Variants in RSU1 observed in about 807,000 individuals in gnomAD.
The protein encoded by RSU1 is Ras suppressor protein 1.
RSU1 carries 26 observed loss-of-function variants against 31.1 expected under a neutral mutation model. The ratio of observed to expected loss-of-function variants is 0.84; its 90% CI spans 0.61 to 1.16. RSU1 has a LOEUF of 1.16. Among genes scored for constraint, RSU1 ranks in the 50% most tolerant of loss-of-function variants. The pLI is 0.00. For missense variants in RSU1, 320 were observed against 339.1 expected (o/e 0.94, Z 0.44); for synonymous variants, 164 against 136.3 (o/e 1.20, Z -1.41).
intron 7 of RSU1, among the ~76,000 whole-genome samples, chr10:16,729,450 C>G (rs1836459076): frequency 6.6e-6 from 1 of 152,102 alleles, no homozygotes. Context: ...TACCTGGCCA[C>G]TCAGGCTGAA....
chr10:16,796,364 TCTTCA>T (rs1454802148), intron 2 of RSU1, among the ~76,000 whole-genome samples: 35 of 152,292 alleles, frequency 2.3e-4, no homozygotes, highest in African/African-American at 8.4e-4. Context: ...CCTCGCTACG[TCTTCA>T]CTGTGTGTGA....
intron 7 of RSU1, among the ~76,000 whole-genome samples, chr10:16,738,493 C>T (rs1248548655): frequency 6.6e-6 from 1 of 152,020 alleles, no homozygotes; most frequent in Non-Finnish European, 1.5e-5. Context: ...CGTAAGCTTT[C>T]ACCTAAACAA....
chr10:16,678,356 C>T (rs1357735805), intron 8 of RSU1, among the ~76,000 whole-genome samples: 1 of 152,214 alleles, frequency 6.6e-6, no homozygotes, highest in East Asian at 1.9e-4. Context: ...GAAGATTTCA[C>T]AATGCTTCAG....
intron 8 of RSU1, among the ~76,000 whole-genome samples, chr10:16,595,778 C>T (rs1309727405): frequency 1.3e-5 from 2 of 151,950 alleles, no homozygotes; most frequent in African/African-American, 2.4e-5. Context: ...ACCATCCTGG[C>T]CAACATGGTG....
chr10:16,777,300 C>G (rs963364843), intron 3 of RSU1, among the ~76,000 whole-genome samples: 9 of 151,450 alleles, frequency 5.9e-5, no homozygotes, highest in African/African-American at 1.9e-4. Flanking sequence ...ATACAAAATA[C>G]TATGGAAAGC....
intron 8 of RSU1, among the ~76,000 whole-genome samples, chr10:16,627,849 T>C (rs558118882): frequency 6.6e-5 from 10 of 152,108 alleles, no homozygotes; most frequent in African/African-American, 2.4e-4. Context: ...CTAAGAAATG[T>C]TGGCTTCTCT....
chr10:16,684,262 C>A (rs191236319), intron 8 of RSU1, among the ~76,000 whole-genome samples: 4 of 152,184 alleles, frequency 2.6e-5, no homozygotes, highest in African/African-American at 4.8e-5. Flanking sequence ...TTCTTTGTCA[C>A]ATAATGTTAT....
chr10:16,756,887 G>A (rs1300314433), intron 4 of RSU1, among the ~76,000 whole-genome samples: 1 of 147,214 alleles, frequency 6.8e-6, no homozygotes, highest in African/African-American at 2.5e-5. Context: ...GTTTCGTGTG[G>A]TGTGTGAGGG....
At chr10:16,697,791 A>AT (rs958347802) in intron 7 of RSU1, among the ~76,000 whole-genome samples, 151 of 152,166 alleles carry the variant, frequency 9.9e-4, no homozygotes, top group African/African-American at 3.5e-3. Flanking sequence ...AGCTAAGGGG[A>AT]TTTTCTAGTT....
Position 16,782,066 on chromosome 10 carries a change from G to A in RSU1, c.128C>T (p.Thr43Ile), listed in dbSNP as rs1388538921. The change falls in exon 3 of 9, where the codon ACA becomes ATA. Residue 43 changes from threonine to isoleucine, a missense_variant. Physicochemically the swap from Thr to Ile is moderately conservative, Grantham distance 89. Coordinates refer to ENST00000345264, the MANE Select transcript of RSU1 (RefSeq NM_012425.4). ...CTTGTTATGGCTGAGGACCAGTTGTGTGATATGGGATAAGGTAACTAAAAA... is the reference window on the plus strand; with the variant it reads ...CTTGTTATGGCTGAGGACCAGTTGTATGATATGGGATAAGGTAACTAAAAA... ...VNGLFTLSHI[T>I]QLVLSHNKLT... 1 of 1,612,242 alleles carries A rather than the reference G, an allele frequency of 6.2e-7. No homozygotes were observed. The highest frequency in any genetic ancestry group is 8.5e-7 in the Non-Finnish European group (1 of 1,179,188).
chr10:16,703,176 C>A lies in RSU1; in HGVS notation c.599-8021G>T, dbSNP rs563958055. On this transcript the variant is annotated intron_variant, in intron 7 of 8. Coordinates refer to ENST00000345264, the MANE Select transcript of RSU1 (RefSeq NM_012425.4). ...CCAGAAGCCGAGCAGATGCCAGCATCATGCTTCCTATACGCCATGCAGAAC... is the reference window on the plus strand; with the variant it reads ...CCAGAAGCCGAGCAGATGCCAGCATAATGCTTCCTATACGCCATGCAGAAC... Among the ~76,000 whole-genome samples the A allele has an allele frequency of 2.5e-4, 38 of 152,298 alleles. No homozygotes were observed. The South Asian group carries it at 7.5e-3, about 30-fold the overall frequency.
In RSU1 at chr10:16,752,541, A is replaced by C. The variant is rs1836999945; in HGVS notation, c.596T>G (p.Leu199Arg). Residue 199 changes from leucine to arginine, a missense_variant and splice_region_variant, in exon 7 of 9, where the codon CTA becomes CGA. By Grantham distance (102) the Leu-to-Arg change is moderately radical. Coordinates refer to ENST00000345264, the MANE Select transcript of RSU1 (RefSeq NM_012425.4). ...AGTTCATTCATCAGCAACCTTACCT[A>C]GTTCTGGGGGCAGAACGGTGAGGCG... is the stretch of plus-strand genomic sequence containing the variant. ...GNRLTVLPPE[L>R]GNLDLTGQKQ... is the part of the protein sequence containing the mutation. 1 of 1,609,938 alleles carries C rather than the reference A, an allele frequency of 6.2e-7. No homozygotes were observed. The highest frequency in any genetic ancestry group is 1.3e-5 in the African/African-American group (1 of 74,846).
At position 16,785,461 on chromosome 10, in the gene RSU1, T is replaced by TATATATATACACATATATACATATATAC. The variant is rs1564357318; in HGVS notation, c.110-3405_110-3378dup. Among the ~76,000 whole-genome samples the TATATATATACACATATATACATATATAC allele has an allele frequency of 2.0e-3, 186 of 91,716 alleles. 4 individuals carry two copies. Among genetic ancestry groups the TATATATATACACATATATACATATATAC allele is most frequent in the African/African-American group, 9.2e-3 (172 of 18,660 alleles). 60.2% of individuals were successfully genotyped at this position (91,716 alleles called of 152,430 possible). On this transcript the variant is annotated intron_variant, in intron 2 of 8. Coordinates refer to ENST00000345264, the MANE Select transcript of RSU1 (RefSeq NM_012425.4). ...ATATACACATATATACATATATACA[T>TATATATATACACATATATACATATATAC]ATATATATACACATATATACATATA...
intron 8 of RSU1, among the ~76,000 whole-genome samples, chr10:16,684,254 CTTT>C (rs1157381233): frequency 6.6e-6 from 1 of 152,110 alleles, no homozygotes; most frequent in African/African-American, 2.4e-5. Flanking sequence ...TTATTTTCTT[CTTT>C]GTCACATAAT....
intron 3 of RSU1, among the ~76,000 whole-genome samples, chr10:16,777,914 C>T (rs991361749): frequency 1.3e-5 from 2 of 151,726 alleles, no homozygotes; most frequent in Admixed American, 6.6e-5. Flanking sequence ...TCCCTGGCTG[C>T]GAGTCCTTTG....
intron 8 of RSU1, among the ~76,000 whole-genome samples, chr10:16,682,554 ACACACACACACACACACATG>A (rs1835347566): frequency 6.8e-6 from 1 of 148,108 alleles, no homozygotes; most frequent in Non-Finnish European, 1.5e-5. Context: ...ACACACACAC[ACACACACACACACACACATG>A]CATGCATGTT....
At chr10:16,775,109 C>T (rs1352301861) in intron 3 of RSU1, among the ~76,000 whole-genome samples, 1 of 152,172 alleles carries the variant, frequency 6.6e-6, no homozygotes, top group Non-Finnish European at 1.5e-5. Context: ...TATTGCACCT[C>T]TTAGTGTATC....
intron 2 of RSU1, among the ~76,000 whole-genome samples, chr10:16,791,515 G>C (rs1837912208): frequency 6.6e-6 from 1 of 151,824 alleles, no homozygotes; most frequent in African/African-American, 2.4e-5. Flanking sequence ...TGTAGTCCCA[G>C]CTACTTGGGA....
chr10:16,603,852 T>C (rs200547307), intron 8 of RSU1, among the ~76,000 whole-genome samples: 2 of 140,136 alleles, frequency 1.4e-5, no homozygotes, highest in East Asian at 3.8e-4. Context: ...AATACAACGA[T>C]ACACAAACCT....
Sources: allele counts gnomAD v4.1 joint callset (sites outside exome capture counted in the v4.1 genomes callset), GRCh38; gene constraint gnomAD v4.1.1; transcripts MANE v1.5; gene names NCBI Gene and HGNC (gene_info 2026-07-23, HGNC 2026-07-21).